The following ARFGEF1 variants were observed in gnomAD, a reference collection of about 807,000 sequenced individuals.
ARFGEF1 encodes the protein brefeldin A-inhibited guanine nucleotide-exchange protein 1.
In ARFGEF1, 42 loss-of-function variants were observed where a neutral mutation model predicts 231.0. That is an observed-to-expected ratio of 0.18 (90% confidence interval 0.14 to 0.24). The LOEUF (loss-of-function observed/expected upper bound fraction) is 0.24, where lower values mean the gene tolerates loss of function less well. Ranked by LOEUF, ARFGEF1 falls within the 10% of genes least tolerant of loss-of-function variation. The pLI is 1.00. For synonymous variants in ARFGEF1, 710 were observed against 732.3 expected, an observed-to-expected ratio of 0.97 and a Z score of 0.49; for missense variants, 1,345 against 2,192.0, an observed-to-expected ratio of 0.61 and a Z score of 7.72.
chr8:67,195,240 A>G, downstream of ARFGEF1: 3 of 712,018 alleles, frequency 4.2e-6, no homozygotes, highest in Non-Finnish European at 7.6e-6. Context: ...GAGTCTAACC[A>G]AAACAAACAA....
At chr8:67,177,338 C>A (rs754091814) in intron 5 of ARFGEF1, among the ~76,000 whole-genome samples, 11 of 152,084 alleles carry the variant, frequency 7.2e-5, no homozygotes, top group Non-Finnish European at 1.5e-4. Flanking sequence ...TGTGAGGGAG[C>A]CCCTGTTTAA....
downstream of ARFGEF1, chr8:67,175,434 A>G (rs1831363154): frequency 6.2e-7 from 1 of 1,614,042 alleles, no homozygotes; most frequent in Non-Finnish European, 8.5e-7. Flanking sequence ...GAAGGTGCCA[A>G]AGGTAAGAAA....
At chr8:67,195,128 CT>C (rs1837629315), downstream of ARFGEF1, among the ~76,000 whole-genome samples, 1 of 152,120 alleles carries the variant, frequency 6.6e-6, no homozygotes, top group African/African-American at 2.4e-5. Context: ...CCTCTGGTTG[CT>C]AGTGCCATGG....
At chr8:67,342,818 A>G (rs1808706359) in intron 1 of ARFGEF1, among the ~76,000 whole-genome samples, 1 of 152,088 alleles carries the variant, frequency 6.6e-6, no homozygotes, top group Non-Finnish European at 1.5e-5. Flanking sequence ...ACAACAGCTC[A>G]TCTTCTGCTT....
intron 19 of ARFGEF1, among the ~76,000 whole-genome samples, chr8:67,247,098 A>T (rs1840130837): frequency 6.6e-6 from 1 of 150,438 alleles, no homozygotes; most frequent in African/African-American, 2.5e-5. Flanking sequence ...TCAAAGCCAT[A>T]ACAAAAAGTC....
chr8:67,182,654 GTTTT>G (rs1380039832), intron 5 of ARFGEF1, among the ~76,000 whole-genome samples: 1 of 152,126 alleles, frequency 6.6e-6, no homozygotes, highest in Non-Finnish European at 1.5e-5. Context: ...TTGTTACTTT[GTTTT>G]TTGAATAGTA....
chr8:67,244,818 A>T (rs1005690602), intron 19 of ARFGEF1, among the ~76,000 whole-genome samples: 4 of 150,516 alleles, frequency 2.7e-5, no homozygotes, highest in African/African-American at 9.9e-5. Context: ...ATTCAAAGGG[A>T]TAACAACAGA....
chr8:67,329,169 T>C (rs536317676), intron 1 of ARFGEF1, among the ~76,000 whole-genome samples: 157 of 152,074 alleles, frequency 1.0e-3, no homozygotes, highest in African/African-American at 3.7e-3. Flanking sequence ...GAGATGGCCG[T>C]GAGCCGACAT....
At chr8:67,310,782 G>A (rs140486610) in intron 1 of ARFGEF1, among the ~76,000 whole-genome samples, 15,142 of 150,296 alleles carry the variant, frequency 0.1, 932 homozygotes, top group African/African-American at 0.18. Flanking sequence ...GTCTCTGCCC[G>A]GCTGCCCCAT....
intron 4 of ARFGEF1, among the ~76,000 whole-genome samples, chr8:67,297,131 A>C (rs948022097): frequency 6.6e-6 from 1 of 152,240 alleles, no homozygotes; most frequent in Non-Finnish European, 1.5e-5. Context: ...AGTAATTTCC[A>C]CATAATCTGA....
intron 1 of ARFGEF1, among the ~76,000 whole-genome samples, chr8:67,311,409 G>T (rs1370738007): frequency 7.2e-6 from 1 of 139,364 alleles, no homozygotes; most frequent in African/African-American, 2.7e-5. Context: ...CCGTCCGGGA[G>T]GGAGGTGGGG....
In ARFGEF1 at chr8:67,197,791, T is replaced by C. The variant is rs1341442484; in HGVS notation, c.*1143A>G. ...CATAGAAAACTTTACATCTGTACCA[T>C]ATACATTTTGTCCATCTGAAAAAAT... On this transcript the variant is annotated 3_prime_UTR_variant, in exon 39 of 39. Transcript: ENST00000262215. 2.0e-6 allele frequency: 2 copies of C among 985,870 alleles called. No homozygotes were observed. Among genetic ancestry groups the C allele is most frequent in the Non-Finnish European group, 2.4e-6 (2 of 829,914 alleles). 61.1% of individuals were successfully genotyped at this position (985,870 alleles called of 1,614,324 possible).
Position 67,238,899 on chromosome 8 carries a change from A to C in ARFGEF1, c.2980-6T>G. On this transcript the variant is annotated splice_region_variant and splice_polypyrimidine_tract_variant and intron_variant, in intron 20 of 38. Coordinates refer to ENST00000262215, the MANE Select transcript of ARFGEF1 (RefSeq NM_006421.5). ...ACATATGCATCTCTCTCCAGCTATA[A>C]AAAAGAGAAAAGTATGTTTACACAG... The C allele has an allele frequency of 1.2e-6, 2 of 1,611,970 alleles. No homozygotes were observed. The highest frequency in any genetic ancestry group is 1.7e-6 in the Non-Finnish European group (2 of 1,178,368).
At chr8:67,324,203 T>C (rs1274061354) in intron 1 of ARFGEF1, among the ~76,000 whole-genome samples, 1 of 152,102 alleles carries the variant, frequency 6.6e-6, no homozygotes, top group East Asian at 1.9e-4. Flanking sequence ...CAATAGAAGG[T>C]GGGGCGCTTG....
At chr8:67,343,123 CACAACAAG>C (rs1587362557) in intron 1 of ARFGEF1, 33 bp downstream of exon 1, 13 of 1,463,216 alleles carry the variant, frequency 8.9e-6, no homozygotes, top group South Asian at 1.3e-5. Flanking sequence ...CTCCCCGCCC[CACAACAAG>C]CACCCCATCC....
intron 5 of ARFGEF1, among the ~76,000 whole-genome samples, chr8:67,293,191 C>T (rs968387525): frequency 6.6e-6 from 1 of 152,100 alleles, no homozygotes; most frequent in African/African-American, 2.4e-5. Context: ...ATCCATAGCA[C>T]AGAACTAAAT....
chr8:67,333,067 C>T (rs1171808725), intron 1 of ARFGEF1, among the ~76,000 whole-genome samples: 38 of 147,060 alleles, frequency 2.6e-4, no homozygotes, highest in Non-Finnish European at 5.3e-4. Context: ...ACAAGAGTCT[C>T]ACTCTGTTGC....
downstream of ARFGEF1, chr8:67,193,375 G>GTGAT (rs1836956542): frequency 8.4e-7 from 1 of 1,193,396 alleles, no homozygotes; most frequent in Non-Finnish European, 1.2e-6. Context: ...GGGATCACAG[G>GTGAT]TGATAGGCAC....
At chr8:67,301,496 A>G (rs182995636) in intron 2 of ARFGEF1, 116 bp from the exon 3 acceptor site, 1 of 1,109,294 alleles carries the variant, frequency 9.0e-7, no homozygotes, top group East Asian at 2.6e-5. Flanking sequence ...CCAGTCCTCT[A>G]TCTTCCCATA....
Sources: allele counts gnomAD v4.1 joint callset (sites outside exome capture counted in the v4.1 genomes callset), GRCh38; gene constraint gnomAD v4.1.1; transcripts MANE v1.5; gene names NCBI Gene and HGNC (gene_info 2026-07-23, HGNC 2026-07-21).